Variants in TRAF7 observed in about 807,000 individuals in gnomAD.
TRAF7 encodes E3 ubiquitin-protein ligase TRAF7.
A neutral mutation model predicts 89.3 loss-of-function variants in TRAF7; 45 were observed. The observed-to-expected ratio is 0.50, with a 90% CI of 0.40 to 0.65. The LOEUF (loss-of-function observed/expected upper bound fraction) is 0.65, where lower values mean the gene tolerates loss of function less well. Ranked by LOEUF, TRAF7 falls within the 30% of genes least tolerant of loss-of-function variation. TRAF7 has a pLI of 0.00. For missense variants in TRAF7, 677 were observed against 918.1 expected (o/e 0.74, Z 3.39); for synonymous variants, 406 against 369.2 (o/e 1.10, Z -1.14).
intron 7 of TRAF7, among the ~76,000 whole-genome samples, chr16:2,171,861 G>A (rs1229372381): frequency 6.6e-6 from 1 of 152,210 alleles, no homozygotes; most frequent in Non-Finnish European, 1.5e-5. Context: ...GGCTCCCCAT[G>A]CCAGGGTTGG....
intron 9 of TRAF7, 44 bp downstream of exon 9, chr16:2,172,643 C>A (rs2093117702): frequency 6.5e-7 from 1 of 1,531,310 alleles, no homozygotes; most frequent in Admixed American, 2.0e-5. Flanking sequence ...GGGCGCAGGC[C>A]CTCCACAGGC....
chr16:2,178,087 C>G lies in TRAF7; in HGVS notation c.*1513C>G, dbSNP rs1166917689. ...ACCTTTTTGTTTCTCTGGGGAAATC[C>G]GCCTCAGCTCATTCCCAATAAATTA... On this transcript the variant is annotated 3_prime_UTR_variant, in exon 21 of 21. Coordinates refer to ENST00000326181, the MANE Select transcript of TRAF7 (RefSeq NM_032271.3). 2.0e-6 allele frequency: 1 copy of G among 493,834 alleles called. No individual in the cohort carries two copies. The highest frequency in any genetic ancestry group is 2.0e-5 in the African/African-American group (1 of 50,678). The allele number at this position is 493,834 out of a possible 1,614,324, so 30.6% of individuals were successfully genotyped here. A position where few individuals can be genotyped will look rare whatever the true frequency, so the allele number is the denominator to read the frequency against.
chr16:2,162,348 T>TG lies in TRAF7; in HGVS notation c.-38-1529dup, dbSNP rs373134434. On this transcript the variant is annotated intron_variant, in intron 1 of 20. Coordinates refer to ENST00000326181, the MANE Select transcript of TRAF7 (RefSeq NM_032271.3). This position sits in a 1 kb window ranked among gnomAD's most constrained non-coding sequence, Gnocchi z 5.0. The stretch of plus-strand genomic sequence containing the variant: ...CTCCCTGCACACCTGTAGGCCGGGC[T>TG]GGGGGGCCCCAGGCCAGACTGTGGG... 3.3e-5 allele frequency among the ~76,000 whole-genome samples: 5 copies of TG among 151,972 alleles called. No individual in the cohort carries two copies. The highest frequency in any genetic ancestry group is 1.2e-4 in the African/African-American group (5 of 41,408).
At chr16:2,164,170 G>GCA (rs1229023712) in intron 2 of TRAF7, among the ~76,000 whole-genome samples, 169 bp downstream of exon 2, 1 of 120,032 alleles carries the variant, frequency 8.3e-6, no homozygotes, top group Non-Finnish European at 1.7e-5. Flanking sequence ...GCGCGCGCGC[G>GCA]CGCGCGCGCG....
rs988700644 is a variant in TRAF7, at chr16:2,165,640, G to A, written c.82-239G>A. On this transcript the variant is annotated intron_variant, in intron 2 of 20. Transcript: ENST00000326181. Reference sequence around the variant, plus strand: ...GCGCAGCCTGGTCGCATGGTTAAGCGTGTGAGTGCTGCGTGGCCTGGCCTG... The same window carrying A: ...GCGCAGCCTGGTCGCATGGTTAAGCATGTGAGTGCTGCGTGGCCTGGCCTG... Among the ~76,000 whole-genome samples the A allele has an allele frequency of 7.8e-4, 97 of 125,114 alleles. 3 individuals are homozygous for A. The highest frequency in any genetic ancestry group is 1.7e-3 in the Admixed American group (22 of 13,250). 82.1% of individuals were successfully genotyped at this position (125,114 alleles called of 152,430 possible).
chr16:2,167,966 A>AG, intron 3 of TRAF7, 111 bp from the exon 4 acceptor site: 1 of 916,000 alleles, frequency 1.1e-6, no homozygotes, highest in Non-Finnish European at 1.7e-6. Context: ...GGCCCTGGGG[A>AG]GGGCTGTGAG....
At chr16:2,169,057 C>T (rs1425212671) in intron 4 of TRAF7, among the ~76,000 whole-genome samples, 1 of 152,114 alleles carries the variant, frequency 6.6e-6, no homozygotes, top group Non-Finnish European at 1.5e-5. Flanking sequence ...GTGATCTCAG[C>T]TCACCACAAC....
Position 2,177,950 on chromosome 16 carries a change from G to C in TRAF7, c.*1376G>C, listed in dbSNP as rs1203511611. 2.8e-6 allele frequency: 1 copy of C among 361,750 alleles called. No homozygotes were observed. The highest frequency in any genetic ancestry group is 5.2e-6 in the Non-Finnish European group (1 of 192,698). The allele number at this position is 361,750 out of a possible 1,614,324, so 22.4% of individuals were successfully genotyped here. A position where few individuals can be genotyped will look rare whatever the true frequency, so the allele number is the denominator to read the frequency against. On this transcript the variant is annotated 3_prime_UTR_variant, in exon 21 of 21. Coordinates refer to ENST00000326181, the MANE Select transcript of TRAF7 (RefSeq NM_032271.3). Reference sequence around the variant, plus strand: ...GGAAGGACCGCAGGCAGACAGCCTGGGCCTCTAACAGCTTTTGTCCGGAGC... The same window carrying C: ...GGAAGGACCGCAGGCAGACAGCCTGCGCCTCTAACAGCTTTTGTCCGGAGC...
chr16:2,170,522 T>TGCCCTCGCGCTTCC (rs1446232601), intron 4 of TRAF7, 92 bp from the exon 5 acceptor site: 1 of 919,492 alleles, frequency 1.1e-6, no homozygotes, highest in Non-Finnish European at 1.7e-6. Context: ...GGGGTGCTGC[T>TGCCCTCGCGCTTCC]GCCCTCGCGC....
chr16:2,170,411 G>A (rs1436938826), intron 4 of TRAF7, among the ~76,000 whole-genome samples: 4 of 152,214 alleles, frequency 2.6e-5, no homozygotes, highest in East Asian at 1.9e-4. Context: ...GGCCCAGGCC[G>A]CCCAGGCGGG....
At chr16:2,169,877 C>G (rs1366114314) in intron 4 of TRAF7, among the ~76,000 whole-genome samples, 1 of 152,166 alleles carries the variant, frequency 6.6e-6, no homozygotes, top group Non-Finnish European at 1.5e-5. Context: ...GCCAGAGGCT[C>G]GGCAGAGCAG....
At position 2,168,029 on chromosome 16, in the gene TRAF7, A is replaced by T. The variant is rs1379023866; in HGVS notation, c.140-48A>T. On this transcript the variant is annotated intron_variant, in intron 3 of 20. Coordinates refer to ENST00000326181, the MANE Select transcript of TRAF7 (RefSeq NM_032271.3). The surrounding 1 kb of genome is among the most constrained non-coding windows in gnomAD (Gnocchi z 4.1). ...CCAGCATGGGCCCCACCTCCCCCAC[A>T]TCTGCTGAGGGAGCCCCCACTGAGA... 1 of 1,567,228 alleles carries T rather than the reference A, an allele frequency of 6.4e-7. No individual in the cohort carries two copies. The highest frequency in any genetic ancestry group is 1.7e-5 in the Admixed American group (1 of 59,766).
intron 1 of TRAF7, among the ~76,000 whole-genome samples, chr16:2,157,179 C>T (rs1163047618): frequency 6.6e-6 from 1 of 152,002 alleles, no homozygotes; most frequent in Non-Finnish European, 1.5e-5. Flanking sequence ...GGGCCTCTCC[C>T]TTCCTAGACC....
At position 2,162,378 on chromosome 16, in the gene TRAF7, G is replaced by A. The variant is rs2093061519; in HGVS notation, c.-38-1505G>A. 6.6e-6 allele frequency among the ~76,000 whole-genome samples: 1 copy of A among 152,168 alleles called. No homozygotes were observed. Among genetic ancestry groups the A allele is most frequent in the Admixed American group, 6.5e-5 (1 of 15,290 alleles). On this transcript the variant is annotated intron_variant, in intron 1 of 20. Transcript: ENST00000326181. This position sits in a 1 kb window ranked among gnomAD's most constrained non-coding sequence, Gnocchi z 5.0. The stretch of plus-strand genomic sequence containing the variant: ...GGCCCCAGGCCAGACTGTGGGCACG[G>A]TGGTGGGTGATGAGTGGCATCTTGA...
intron 2 of TRAF7, 120 bp downstream of exon 2, chr16:2,164,121 C>T (rs955210535): frequency 7.9e-5 from 62 of 780,912 alleles, no homozygotes; most frequent in Non-Finnish European, 1.1e-4. Flanking sequence ...CTCAGGGGAG[C>T]TCGGTGGGGG....
chr16:2,167,729 T>C (rs1367300007), intron 3 of TRAF7, among the ~76,000 whole-genome samples: 1 of 152,180 alleles, frequency 6.6e-6, no homozygotes, highest in Non-Finnish European at 1.5e-5. Context: ...GGCTGCGTGC[T>C]GGCCATGAGC....
At chr16:2,167,083 G>A (rs2093089368) in intron 3 of TRAF7, among the ~76,000 whole-genome samples, 1 of 152,188 alleles carries the variant, frequency 6.6e-6, no homozygotes, top group Admixed American at 6.5e-5. Context: ...GGCTCTCCAG[G>A]GGCCCTCTTT....
At chr16:2,175,199 C>T (rs1184106950) in intron 15 of TRAF7, 49 bp downstream of exon 15, 2 of 1,613,080 alleles carry the variant, frequency 1.2e-6, no homozygotes, top group Admixed American at 3.3e-5. Context: ...CAGGCCCGCC[C>T]CAGTCTGTAG....
chr16:2,163,509 C>G lies in TRAF7; in HGVS notation c.-38-374C>G, dbSNP rs1362796382. 1 of 249,010 alleles carries G rather than the reference C, an allele frequency of 4.0e-6. No individual in the cohort carries two copies. Among genetic ancestry groups the G allele is most frequent in the Non-Finnish European group, 8.0e-6 (1 of 124,588 alleles). 15.4% of individuals were successfully genotyped at this position (249,010 alleles called of 1,614,324 possible). The stretch of plus-strand genomic sequence containing the variant: ...CACACCCTGGGCCTACCCACCAAGG[C>G]CCAGCCTTGGCCCCAGGGACATTCA... On this transcript the variant is annotated intron_variant, in intron 1 of 20. Transcript: ENST00000326181. This position sits in a 1 kb window ranked among gnomAD's most constrained non-coding sequence, Gnocchi z 4.3.
Sources: allele counts gnomAD v4.1 joint callset (sites outside exome capture counted in the v4.1 genomes callset), GRCh38; gene constraint gnomAD v4.1.1; non-coding constraint Gnocchi (gnomAD v3.1); transcripts MANE v1.5; gene names NCBI Gene and HGNC (gene_info 2026-07-23, HGNC 2026-07-21).